ANKFY1: variants seen among roughly 807,000 people sequenced by gnomAD.
ANKFY1 encodes the protein ankyrin repeat and FYVE domain-containing protein 1.
In ANKFY1, 47 loss-of-function variants were observed where a neutral mutation model predicts 128.3. That is an observed-to-expected ratio of 0.37 (90% CI 0.29 to 0.47). ANKFY1 has a LOEUF of 0.47. Among genes scored for constraint, ANKFY1 ranks in the 20% least tolerant of loss-of-function variants. The pLI is 1.00. For synonymous variants in ANKFY1, 553 were observed against 601.6 expected, an observed-to-expected ratio of 0.92 and a Z score of 1.18; for missense variants, 1,222 against 1,510.6, an observed-to-expected ratio of 0.81 and a Z score of 3.17.
Position 4,263,935 on chromosome 17 carries a change from C to T in ANKFY1, c.7G>A (p.Glu3Lys), listed in dbSNP as rs1257009924. Residue 3 changes from glutamate (E) to lysine (K), a missense_variant, in exon 1 of 25, where the codon GAA (glutamate) becomes AAA (lysine). Glu to Lys is a moderately conservative substitution (Grantham distance 56, BLOSUM62 1). Transcript: ENST00000341657. ...CGGCTCCACAAAAAAACCCTACCTT[C>T]CGCCATGTCTGGCCCGGCACTGCCT... MA[E>K]EEVAKLEKHL... 1.2e-6 allele frequency: 2 copies of T among 1,613,906 alleles called. No homozygotes were observed. Among genetic ancestry groups the T allele is most frequent in the African/African-American group, 1.3e-5 (1 of 74,946 alleles).
At chr17:4,202,567 C>G (rs1471016570) in intron 7 of ANKFY1, among the ~76,000 whole-genome samples, 12 of 124,596 alleles carry the variant, frequency 9.6e-5, no homozygotes, top group Middle Eastern at 5.6e-3. Context: ...CATGGTGGCG[C>G]GCGCCTGTAG....
intron 10 of ANKFY1, among the ~76,000 whole-genome samples, 194 bp from the exon 11 acceptor site, chr17:4,189,673 A>AGAGAGTAGGCCCACG (rs1567925647): frequency 1.7e-4 from 22 of 130,316 alleles, no homozygotes; most frequent in African/African-American, 7.5e-4. Flanking sequence ...GTAGGCCCAC[A>AGAGAGTAGGCCCACG]CCAGACAGTA....
chr17:4,177,708 G>C (rs763685269), intron 18 of ANKFY1, among the ~76,000 whole-genome samples: 2 of 152,234 alleles, frequency 1.3e-5, no homozygotes, highest in Non-Finnish European at 2.9e-5. Flanking sequence ...CAAGCACCCA[G>C]CATCCTGATG....
At chr17:4,223,203 ATCT>A in intron 3 of ANKFY1, 3 of 789,218 alleles carry the variant, frequency 3.8e-6, no homozygotes, top group East Asian at 4.9e-5. Context: ...CATCACAGAA[ATCT>A]TCTTCCTATT....
chr17:4,206,005 C>T (rs1051504563), intron 7 of ANKFY1, among the ~76,000 whole-genome samples: 4 of 152,196 alleles, frequency 2.6e-5, no homozygotes, highest in African/African-American at 9.7e-5. Context: ...TAGCACAATT[C>T]CTGGAGAAAG....
chr17:4,239,847 T>G (rs770952588), intron 2 of ANKFY1, among the ~76,000 whole-genome samples: 16 of 151,998 alleles, frequency 1.1e-4, no homozygotes, highest in Non-Finnish European at 1.5e-4. Flanking sequence ...ATGTCATAAT[T>G]ATGTGGAAAT....
chr17:4,206,168 C>T (rs1463566685), intron 7 of ANKFY1, among the ~76,000 whole-genome samples, 153 bp downstream of exon 7: 2 of 152,244 alleles, frequency 1.3e-5, no homozygotes, highest in South Asian at 2.1e-4. Flanking sequence ...TGAGTGCTTC[C>T]TCTGACCCAA....
rs1215331593 is a variant in ANKFY1 at position 4,167,116 on chromosome 17, C to G, written c.*663G>C. On this transcript the variant is annotated 3_prime_UTR_variant, in exon 25 of 25. Coordinates refer to ENST00000341657, the MANE Select transcript of ANKFY1 (RefSeq NM_001330063.2). This position sits in a 1 kb window ranked among gnomAD's most constrained non-coding sequence, Gnocchi z 4.1. ...AGGTGTCAAGCGGCCCAGCTGCACT[C>G]CTGACACCTCAGTAGCATGAACACT... The G allele has an allele frequency of 1.3e-5, 2 of 152,612 alleles. No homozygotes were observed. The highest frequency in any genetic ancestry group is 4.8e-5 in the African/African-American group (2 of 41,424). 9.5% of individuals were successfully genotyped at this position (152,612 alleles called of 1,614,324 possible). A position where few individuals can be genotyped will look rare whatever the true frequency, so the allele number is the denominator to read the frequency against.
chr17:4,235,648 G>T, intron 3 of ANKFY1, 124 bp downstream of exon 3: 2 of 708,812 alleles, frequency 2.8e-6, no homozygotes, highest in South Asian at 3.5e-5. Context: ...GTTCATGGTT[G>T]CCATCAATTG....
chr17:4,185,984 A>G (rs1172348846), intron 11 of ANKFY1, among the ~76,000 whole-genome samples: 1 of 152,030 alleles, frequency 6.6e-6, no homozygotes, highest in Non-Finnish European at 1.5e-5. Context: ...CTACTTTTAA[A>G]AGTTAAAAAT....
chr17:4,199,670 G>C (rs1451017165), intron 7 of ANKFY1, among the ~76,000 whole-genome samples: 1 of 152,162 alleles, frequency 6.6e-6, no homozygotes, highest in Non-Finnish European at 1.5e-5. Context: ...ACTCTAGATT[G>C]GTTCTACAAA....
intron 4 of ANKFY1, among the ~76,000 whole-genome samples, chr17:4,210,834 C>G (rs2060116282): frequency 6.7e-6 from 1 of 150,168 alleles, no homozygotes; most frequent in Non-Finnish European, 1.5e-5. Context: ...GAGCTCGAGA[C>G]CAGCCTTACC....
intron 2 of ANKFY1, among the ~76,000 whole-genome samples, chr17:4,240,007 C>A (rs560183695): frequency 6.6e-6 from 1 of 151,828 alleles, no homozygotes; most frequent in South Asian, 2.1e-4. Flanking sequence ...CGCAACATCA[C>A]AGGTGCTCAC....
intron 22 of ANKFY1, among the ~76,000 whole-genome samples, chr17:4,172,034 GT>G (rs1174592938): frequency 6.6e-6 from 1 of 152,190 alleles, no homozygotes; most frequent in Non-Finnish European, 1.5e-5. Context: ...GAACGCGAGA[GT>G]CACCGGAAAA....
chr17:4,229,186 G>A (rs1459057668), intron 3 of ANKFY1, among the ~76,000 whole-genome samples: 1 of 152,170 alleles, frequency 6.6e-6, no homozygotes, highest in Non-Finnish European at 1.5e-5. Context: ...CACTTTGGGG[G>A]GCCGCAGTGG....
At chr17:4,245,208 A>T (rs1298695638) in intron 1 of ANKFY1, among the ~76,000 whole-genome samples, 1 of 152,082 alleles carries the variant, frequency 6.6e-6, no homozygotes, top group Non-Finnish European at 1.5e-5. Flanking sequence ...TTTTAAAGAA[A>T]TAGGGTCTCT....
chr17:4,256,006 C>CG (rs916029569), intron 1 of ANKFY1, among the ~76,000 whole-genome samples: 2 of 151,900 alleles, frequency 1.3e-5, no homozygotes, highest in Non-Finnish European at 2.9e-5. Flanking sequence ...TTAGTAGAGA[C>CG]GGGGTTTCAC....
rs1265485374 is a variant in ANKFY1 at position 4,170,761 on chromosome 17, G to T, written c.3240C>A (p.Ile1080=). ...GCTTGGTGGCGACCTGGTAGTTGAA[G>T]ATGTTGACTCCCTGGTTGTTATTCA... The part of the protein sequence containing the change: ...LGVNNNQGVN[I]FNYQVATKQL... The change falls in exon 23 of 25, where the codon ATC becomes ATA. Residue 1080 remains isoleucine (I), a synonymous_variant. Coordinates refer to ENST00000341657, the MANE Select transcript of ANKFY1 (RefSeq NM_001330063.2). 1 of 1,614,118 alleles carries T rather than the reference G, an allele frequency of 6.2e-7. No homozygotes were observed. Among genetic ancestry groups the T allele is most frequent in the African/African-American group, 1.3e-5 (1 of 75,054 alleles).
Position 4,189,476 on chromosome 17 carries a change from T to C in ANKFY1, c.1376A>G (p.Asn459Ser). The C allele has an allele frequency of 6.3e-7, 1 of 1,578,606 alleles. No individual in the cohort carries two copies. ...TCCAGCTGCCCGCTGTAGTAAACAG[T>C]TTCCTAAAAGAAAATGGGCATTGCT... ...HTDAPDTATG[N>S]CLLQRAAGAG... is the part of the protein sequence containing the mutation. The change falls in exon 11 of 25, where the codon AAC becomes AGC. Residue 459 changes from asparagine to serine, a missense_variant. By Grantham distance (46) the Asn-to-Ser change is conservative. Coordinates refer to ENST00000341657, the MANE Select transcript of ANKFY1 (RefSeq NM_001330063.2).
Sources: gnomAD v4.1 joint callset for allele counts (sites outside exome capture counted in the v4.1 genomes callset) on GRCh38, gnomAD v4.1.1 for gene constraint, Gnocchi (gnomAD v3.1) non-coding constraint, MANE v1.5 for transcripts, NCBI Gene and HGNC (gene_info 2026-07-23, HGNC 2026-07-21) for gene names.